SNX29: variants seen among roughly 807,000 people sequenced by gnomAD.
SNX29 encodes sorting nexin 29, also known as sorting nexin-29.
Under a neutral mutation model 102.1 loss-of-function variants are expected in SNX29, and 78 were observed. That is an observed-to-expected ratio of 0.76 (90% CI 0.64 to 0.92). The LOEUF is 0.92. SNX29 is among the 40% of genes least tolerant of loss of function. The pLI is 0.00. For synonymous variants in SNX29, 580 were observed against 414.5 expected (o/e 1.40, Z -4.85); for missense variants, 1,280 against 1,061.7 (o/e 1.21, Z -2.86).
chr16:12,455,989 T>C (rs183437421), intron 18 of SNX29, among the ~76,000 whole-genome samples: 2 of 152,318 alleles, frequency 1.3e-5, no homozygotes, highest in African/African-American at 2.4e-5. Context: ...ATTCATTGCA[T>C]AGTAAAGATG....
intron 16 of SNX29, among the ~76,000 whole-genome samples, chr16:12,385,303 A>C (rs1239813697): frequency 6.6e-6 from 1 of 152,202 alleles, no homozygotes; most frequent in Non-Finnish European, 1.5e-5. Context: ...ACGTCTGGGG[A>C]CTTGTGGAAG....
chr16:12,017,297 G>A (rs1014333951), intron 3 of SNX29, among the ~76,000 whole-genome samples: 1 of 152,106 alleles, frequency 6.6e-6, no homozygotes, highest in African/African-American at 2.4e-5. Context: ...TACTTTCTTG[G>A]GCTATTAGTG....
At chr16:12,212,701 C>CT (rs2077218847) in intron 14 of SNX29, among the ~76,000 whole-genome samples, 1 of 152,068 alleles carries the variant, frequency 6.6e-6, no homozygotes, top group Non-Finnish European at 1.5e-5. Flanking sequence ...TTTTTCATGA[C>CT]TGATGTGTTT....
intron 18 of SNX29, among the ~76,000 whole-genome samples, chr16:12,411,599 C>G (rs963842318): frequency 6.6e-6 from 1 of 152,172 alleles, no homozygotes; most frequent in Non-Finnish European, 1.5e-5. Flanking sequence ...CGTCCCAAAG[C>G]TGTTGATCAA....
chr16:12,408,468 C>G (rs921969049), intron 18 of SNX29, among the ~76,000 whole-genome samples: 1 of 152,252 alleles, frequency 6.6e-6, no homozygotes, highest in Non-Finnish European at 1.5e-5. Flanking sequence ...TCCAGTATCT[C>G]AGGACATCTT....
At chr16:11,983,738 A>G in intron 1 of SNX29, 3 of 983,158 alleles carry the variant, frequency 3.1e-6, no homozygotes, top group Non-Finnish European at 3.6e-6. Context: ...AAATGCTTAG[A>G]GCTCTTAAAA....
chr16:12,136,729 G>T (rs2054674912), intron 13 of SNX29, among the ~76,000 whole-genome samples: 1 of 115,770 alleles, frequency 8.6e-6, no homozygotes. Flanking sequence ...TTTAGGAAAG[G>T]TTTTTGTTGT....
intron 20 of SNX29, among the ~76,000 whole-genome samples, chr16:12,555,668 C>T (rs1224691840): frequency 4.6e-5 from 7 of 152,098 alleles, no homozygotes; most frequent in South Asian, 2.1e-4. Context: ...CACTCCTGCA[C>T]GAAGTCTGAG....
chr16:12,517,727 A>G (rs2089927245), intron 19 of SNX29, among the ~76,000 whole-genome samples: 1 of 152,182 alleles, frequency 6.6e-6, no homozygotes, highest in Non-Finnish European at 1.5e-5. Context: ...GGAGTTAGCA[A>G]GAGTCCTGCA....
intron 20 of SNX29, among the ~76,000 whole-genome samples, chr16:12,567,788 A>G (rs928645944): frequency 1.3e-5 from 2 of 152,130 alleles, no homozygotes; most frequent in East Asian, 1.9e-4. Flanking sequence ...AAAAAATGCA[A>G]CCACATCACA....
intron 7 of SNX29, among the ~76,000 whole-genome samples, chr16:12,049,087 G>A (rs914694475): frequency 3.9e-5 from 6 of 152,140 alleles, no homozygotes; most frequent in African/African-American, 1.4e-4. Flanking sequence ...AGCATAGACT[G>A]CTATGGGGAA....
At chr16:12,466,471 A>G (rs2087056329) in intron 18 of SNX29, among the ~76,000 whole-genome samples, 1 of 152,226 alleles carries the variant, frequency 6.6e-6, no homozygotes, top group Non-Finnish European at 1.5e-5. Context: ...TGGGAGAGAG[A>G]TACAGCAGGG....
chr16:12,411,355 C>T (rs1282164519), intron 18 of SNX29, among the ~76,000 whole-genome samples: 3 of 152,184 alleles, frequency 2.0e-5, no homozygotes, highest in African/African-American at 4.8e-5. Flanking sequence ...TGCTGTGTCT[C>T]TCCTTGAGAG....
intron 14 of SNX29, among the ~76,000 whole-genome samples, chr16:12,207,985 C>T (rs535803343): frequency 1.6e-4 from 24 of 152,216 alleles, no homozygotes; most frequent in African/African-American, 5.5e-4. Flanking sequence ...AAATTTGTTA[C>T]TGGGGTCCAT....
At chr16:12,097,330 C>T (rs541594237) in intron 11 of SNX29, among the ~76,000 whole-genome samples, 30 of 152,216 alleles carry the variant, frequency 2.0e-4, no homozygotes, top group Non-Finnish European at 2.8e-4. Flanking sequence ...TAGGCTCTTA[C>T]TCCGGGAAGA....
chr16:12,097,586 G>C (rs561191072), intron 11 of SNX29, among the ~76,000 whole-genome samples: 3 of 151,614 alleles, frequency 2.0e-5, no homozygotes, highest in Admixed American at 2.0e-4. Context: ...TTTTATTTGA[G>C]GTCTGCTGCA....
intron 14 of SNX29, among the ~76,000 whole-genome samples, chr16:12,256,214 C>T (rs1217674392): frequency 6.6e-6 from 1 of 152,182 alleles, no homozygotes; most frequent in Non-Finnish European, 1.5e-5. Context: ...ATTTTTTAAT[C>T]AGGTTATATT....
intron 15 of SNX29, among the ~76,000 whole-genome samples, chr16:12,352,842 A>C (rs141027986): frequency 1.9e-4 from 29 of 152,310 alleles, no homozygotes; most frequent in African/African-American, 6.7e-4. Context: ...AGTGTTGTCA[A>C]ATGGCATCTC....
chr16:12,438,796 C>G (rs1287613908), intron 18 of SNX29, among the ~76,000 whole-genome samples: 2 of 152,148 alleles, frequency 1.3e-5, no homozygotes, highest in Non-Finnish European at 2.9e-5. Flanking sequence ...TTGGAGCTAA[C>G]CAGGTGTAGG....
Sources: gnomAD v4.1 joint callset for allele counts (sites outside exome capture counted in the v4.1 genomes callset) on GRCh38, gnomAD v4.1.1 for gene constraint, MANE v1.5 for transcripts, NCBI Gene and HGNC (gene_info 2026-07-23, HGNC 2026-07-21) for gene names.